Variants in SEMA5A observed in about 807,000 individuals in gnomAD.
SEMA5A encodes the protein semaphorin-5A.
Under a neutral mutation model 135.5 loss-of-function variants are expected in SEMA5A, and 55 were observed. The observed-to-expected ratio is 0.41, with a 90% CI of 0.33 to 0.51. SEMA5A has a LOEUF of 0.51. Ranked by LOEUF, SEMA5A falls within the 20% of genes least tolerant of loss-of-function variation. The pLI is 0.37. For synonymous variants in SEMA5A, 580 were observed against 546.5 expected (o/e 1.06, Z -0.85); for missense variants, 1,290 against 1,419.9 (o/e 0.91, Z 1.47).
chr5:9,088,009 C>T (rs374047585), intron 16 of SEMA5A, among the ~76,000 whole-genome samples: 40 of 152,162 alleles, frequency 2.6e-4, no homozygotes, highest in African/African-American at 9.2e-4. Context: ...AGACAGTGGC[C>T]GGGCGTGGTG....
chr5:9,531,220 A>C (rs955316332), intron 1 of SEMA5A, among the ~76,000 whole-genome samples: 1 of 152,196 alleles, frequency 6.6e-6, no homozygotes, highest in Non-Finnish European at 1.5e-5. Context: ...AGAGGTGACC[A>C]GCTCCAAACT....
At chr5:9,406,174 G>A (rs546552855) in intron 2 of SEMA5A, among the ~76,000 whole-genome samples, 7 of 152,288 alleles carry the variant, frequency 4.6e-5, no homozygotes, top group Admixed American at 2.0e-4. Flanking sequence ...ATGCACAAGA[G>A]CAGTATTTGT....
intron 1 of SEMA5A, among the ~76,000 whole-genome samples, chr5:9,439,540 G>T (rs892131811): frequency 1.3e-5 from 2 of 152,140 alleles, no homozygotes; most frequent in Non-Finnish European, 1.5e-5. Context: ...GGGCTAATAG[G>T]TCTCCTGCCT....
At chr5:9,514,227 T>C (rs1243936824) in intron 1 of SEMA5A, among the ~76,000 whole-genome samples, 5 of 152,176 alleles carry the variant, frequency 3.3e-5, no homozygotes, top group Admixed American at 2.6e-4. Flanking sequence ...CTCCCTCTTA[T>C]AAGGACTCTC....
chr5:9,198,446 C>G (rs1172675927), intron 9 of SEMA5A, among the ~76,000 whole-genome samples: 2 of 152,094 alleles, frequency 1.3e-5, no homozygotes, highest in African/African-American at 2.4e-5. Flanking sequence ...CCGGATTTTC[C>G]CCAGTATGGC....
intron 1 of SEMA5A, among the ~76,000 whole-genome samples, chr5:9,485,258 TA>T (rs57189995): frequency 0.071 from 10,261 of 145,052 alleles, 415 homozygotes; most frequent in Middle Eastern, 0.13. Flanking sequence ...CCCTGGAAAT[TA>T]AAAAAAAAAA....
chr5:9,474,259 C>T (rs375309790), intron 1 of SEMA5A, among the ~76,000 whole-genome samples: 2 of 152,026 alleles, frequency 1.3e-5, no homozygotes, highest in South Asian at 2.1e-4. Context: ...CCCGTACACC[C>T]AGCTGAGGCC....
At chr5:9,112,001 C>T (rs977913736) in intron 15 of SEMA5A, among the ~76,000 whole-genome samples, 1 of 152,190 alleles carries the variant, frequency 6.6e-6, no homozygotes, top group Non-Finnish European at 1.5e-5. Flanking sequence ...AGCAGTTGGT[C>T]CCCTTTCTCT....
At chr5:9,205,485 G>GTC (rs1238564647) in intron 8 of SEMA5A, among the ~76,000 whole-genome samples, 1 of 152,110 alleles carries the variant, frequency 6.6e-6, no homozygotes, top group Non-Finnish European at 1.5e-5. Flanking sequence ...TGTACCCTGT[G>GTC]TCTGTTCCAG....
intron 5 of SEMA5A, among the ~76,000 whole-genome samples, chr5:9,282,215 T>C (rs1750579012): frequency 6.6e-6 from 1 of 151,970 alleles, no homozygotes; most frequent in Non-Finnish European, 1.5e-5. Context: ...AGCAAAAATA[T>C]GAAGGCCAAA....
intron 1 of SEMA5A, among the ~76,000 whole-genome samples, chr5:9,486,322 C>T (rs1015367141): frequency 3.3e-5 from 5 of 152,108 alleles, no homozygotes; most frequent in African/African-American, 1.2e-4. Flanking sequence ...ATAGCTAATG[C>T]ATGTGGAGCT....
chr5:9,428,158 ATCT>A (rs1757733418), intron 2 of SEMA5A, among the ~76,000 whole-genome samples: 1 of 132,044 alleles, frequency 7.6e-6, no homozygotes, highest in African/African-American at 3.2e-5. Context: ...CTATCTATCT[ATCT>A]ATCTATCCAT....
intron 2 of SEMA5A, among the ~76,000 whole-genome samples, chr5:9,414,826 C>T (rs1360666059): frequency 2.6e-5 from 4 of 152,194 alleles, no homozygotes; most frequent in Non-Finnish European, 5.9e-5. Flanking sequence ...TGTGTCTCAG[C>T]TTTATCTGTT....
chr5:9,532,140 A>T (rs1737480045), intron 1 of SEMA5A, among the ~76,000 whole-genome samples: 1 of 152,236 alleles, frequency 6.6e-6, no homozygotes, highest in East Asian at 1.9e-4. Flanking sequence ...CCTATCTGCC[A>T]CATCAGTTTA....
intron 5 of SEMA5A, among the ~76,000 whole-genome samples, chr5:9,302,924 T>C (rs1751681205): frequency 6.6e-6 from 1 of 152,156 alleles, no homozygotes; most frequent in African/African-American, 2.4e-5. Context: ...TCAATCTAAA[T>C]TTATTAGCCT....
chr5:9,259,577 T>C (rs966876859), intron 5 of SEMA5A, among the ~76,000 whole-genome samples: 1 of 151,988 alleles, frequency 6.6e-6, no homozygotes, highest in African/African-American at 2.4e-5. Context: ...GTCTGCTTGG[T>C]GCAGAGCTGA....
At chr5:9,109,897 T>C (rs1448592120) in intron 15 of SEMA5A, among the ~76,000 whole-genome samples, 3 of 152,122 alleles carry the variant, frequency 2.0e-5, no homozygotes, top group South Asian at 2.1e-4. Context: ...GAAAAGAAAC[T>C]TGGAGAGTGT....
rs1005168614 is a variant in SEMA5A, at chr5:9,342,397, C to T, written c.125-4585G>A. On this transcript the variant is annotated intron_variant, in intron 3 of 22. Transcript: ENST00000382496. ...TCCCAGGCACACTAAGGGCTGGCTC[C>T]GGATACCTGTTTCATTCCTCACACC... 5.3e-5 allele frequency among the ~76,000 whole-genome samples: 8 copies of T among 152,280 alleles called. No homozygotes were observed. In the South Asian group the frequency reaches 1.0e-3, roughly 20 times the overall value.
At chr5:9,216,241 C>T (rs753380820) in intron 8 of SEMA5A, among the ~76,000 whole-genome samples, 34 of 152,168 alleles carry the variant, frequency 2.2e-4, no homozygotes, top group Non-Finnish European at 1.0e-4. Flanking sequence ...TCATTGTTTA[C>T]ACAAAAGTCA....
Sources: gnomAD v4.1 joint callset for allele counts (sites outside exome capture counted in the v4.1 genomes callset) on GRCh38, gnomAD v4.1.1 for gene constraint, MANE v1.5 for transcripts, NCBI Gene and HGNC (gene_info 2026-07-23, HGNC 2026-07-21) for gene names.